SSUH2: variants seen among roughly 807,000 people sequenced by gnomAD.
SSUH2 encodes protein SSUH2 homolog.
In SSUH2, 47 loss-of-function variants were observed where a neutral mutation model predicts 55.3. The observed-to-expected ratio is 0.85, with a 90% CI of 0.67 to 1.08. The LOEUF is 1.08. Ranked by LOEUF, SSUH2 falls within the 50% of genes least tolerant of loss-of-function variation. SSUH2 has a pLI of 0.00. For synonymous variants in SSUH2, 212 were observed against 191.5 expected, an observed-to-expected ratio of 1.11 and a Z score of -0.89; for missense variants, 535 against 490.7, an observed-to-expected ratio of 1.09 and a Z score of -0.85.
intron 6 of SSUH2, among the ~76,000 whole-genome samples, chr3:8,662,682 C>T (rs2125372465): frequency 6.6e-6 from 1 of 152,368 alleles, no homozygotes; most frequent in East Asian, 1.9e-4. Context: ...AACAGAGTTA[C>T]AGCTGTGAAA....
In SSUH2 at chr3:8,679,072, G is replaced by A. The variant is rs1705722762; in HGVS notation, c.-901+633C>T. ...GCAGGGGAGGAAGCACCCCCCGCGAGGCGGGGACTGAGAGCAAGCACCTCT... is the reference window on the plus strand; with the variant it reads ...GCAGGGGAGGAAGCACCCCCCGCGAAGCGGGGACTGAGAGCAAGCACCTCT... On this transcript the variant is annotated intron_variant, in intron 2 of 18. Coordinates refer to the SSUH2 transcript ENST00000317371. Among the ~76,000 whole-genome samples the A allele has an allele frequency of 1.9e-5, 2 of 107,846 alleles. 1 individual carries two copies. Among genetic ancestry groups the A allele is most frequent in the Admixed American group, 1.8e-4 (2 of 11,124 alleles). The allele number at this position is 107,846 out of a possible 152,430, so 70.8% of individuals were successfully genotyped here. A position where few individuals can be genotyped will look rare whatever the true frequency, so the allele number is the denominator to read the frequency against.
intron 6 of SSUH2, among the ~76,000 whole-genome samples, chr3:8,630,255 A>G (rs542153219): frequency 6.6e-6 from 1 of 152,308 alleles, no homozygotes; most frequent in African/African-American, 2.4e-5. Flanking sequence ...GCACCCTTAA[A>G]TCCAGTCCAA....
intron 1 of SSUH2, among the ~76,000 whole-genome samples, chr3:8,680,388 C>T (rs374411249): frequency 1.6e-4 from 25 of 152,084 alleles, no homozygotes; most frequent in Admixed American, 1.6e-3. Flanking sequence ...CATATCCTCT[C>T]GCTCTCTGGA....
At chr3:8,676,785 T>TG (rs1038701626) in intron 3 of SSUH2, among the ~76,000 whole-genome samples, 1 of 146,856 alleles carries the variant, frequency 6.8e-6, no homozygotes, top group Admixed American at 6.6e-5. Flanking sequence ...CTCATCGCAG[T>TG]GGGGGGAGGC....
At chr3:8,638,743 C>T (rs1206385433) in intron 1 of SSUH2, among the ~76,000 whole-genome samples, 1 of 152,194 alleles carries the variant, frequency 6.6e-6, no homozygotes, top group East Asian at 1.9e-4. Context: ...AAGGGTGGGT[C>T]TTCCCCTTTC....
chr3:8,623,473 C>T (rs988037811), intron 11 of SSUH2, 76 bp downstream of exon 11: 20 of 923,630 alleles, frequency 2.2e-5, no homozygotes, highest in Middle Eastern at 2.9e-4. Context: ...CCTTCCGCTC[C>T]GACGTTCTCA....
chr3:8,672,742 G>T (rs997433890), intron 3 of SSUH2, among the ~76,000 whole-genome samples: 8 of 152,066 alleles, frequency 5.3e-5, no homozygotes, highest in Admixed American at 3.9e-4. Flanking sequence ...GTCACAAAAG[G>T]GGTGTACACT....
intron 5 of SSUH2, among the ~76,000 whole-genome samples, chr3:8,668,926 C>T (rs1704249469): frequency 8.0e-6 from 1 of 124,878 alleles, no homozygotes; most frequent in African/African-American, 3.0e-5. Context: ...AAGAATTGTG[C>T]ATACAGAGAG....
intron 5 of SSUH2, among the ~76,000 whole-genome samples, chr3:8,666,448 G>A (rs61621827): frequency 0.23 from 35,464 of 152,028 alleles, 5,302 homozygotes; most frequent in African/African-American, 0.42. Context: ...CACCCACAAG[G>A]GGTTTATGAA....
chr3:8,635,640 C>T, intron 2 of SSUH2, 119 bp downstream of exon 2: 1 of 1,023,930 alleles, frequency 9.8e-7, no homozygotes, highest in Non-Finnish European at 1.4e-6. Context: ...TGAGGGGCTT[C>T]CCAGGGCCCC....
intron 4 of SSUH2, among the ~76,000 whole-genome samples, chr3:8,633,301 G>T (rs546959294): frequency 6.6e-6 from 1 of 151,990 alleles, no homozygotes; most frequent in Non-Finnish European, 1.5e-5. Context: ...CCACCACCAC[G>T]CCCGGCTAAT....
intron 10 of SSUH2, 76 bp downstream of exon 10, chr3:8,625,466 C>T: frequency 1.1e-6 from 1 of 878,692 alleles, no homozygotes; most frequent in Non-Finnish European, 1.9e-6. Context: ...CCTGCACACA[C>T]AGCTAGCAGC....
At chr3:8,623,741 C>CAG in intron 10 of SSUH2, 85 bp from the exon 11 acceptor site, 1 of 650,350 alleles carries the variant, frequency 1.5e-6, no homozygotes, top group South Asian at 2.0e-5. Context: ...GAGCCAGAGC[C>CAG]AGAGCCAGAC....
chr3:8,633,293 A>G lies in SSUH2; in HGVS notation c.339+373T>C, dbSNP rs1448613511. 7.2e-5 allele frequency among the ~76,000 whole-genome samples: 11 copies of G among 151,864 alleles called. No homozygotes were observed. In the East Asian group the frequency reaches 1.2e-3, roughly 16 times the overall value. The stretch of plus-strand genomic sequence containing the variant: ...CGAGTAGCTGGAACTACAGGCACCC[A>G]CCACCACGCCCGGCTAATTTTTGTA... On this transcript the variant is annotated intron_variant, in intron 4 of 11. Transcript: ENST00000544814.
intron 3 of SSUH2, among the ~76,000 whole-genome samples, chr3:8,674,103 AC>A (rs1704937916): frequency 6.6e-6 from 1 of 152,230 alleles, no homozygotes; most frequent in Non-Finnish European, 1.5e-5. Flanking sequence ...GTGTTTGTAA[AC>A]AGGGATGCAG....
At chr3:8,680,922 T>C (rs980881155) in intron 1 of SSUH2, among the ~76,000 whole-genome samples, 1 of 152,018 alleles carries the variant, frequency 6.6e-6, no homozygotes, top group Admixed American at 6.6e-5. Context: ...TTTGACAGGC[T>C]GGGTGAACAC....
intron 7 of SSUH2, among the ~76,000 whole-genome samples, chr3:8,652,749 C>T (rs1266237635): frequency 1.3e-5 from 2 of 152,318 alleles, no homozygotes; most frequent in East Asian, 1.9e-4. Flanking sequence ...ACCATTTTCT[C>T]CCTGGCAAAC....
chr3:8,636,297 G>T (rs2125214308), intron 1 of SSUH2, among the ~76,000 whole-genome samples: 1 of 152,194 alleles, frequency 6.6e-6, no homozygotes, highest in South Asian at 2.1e-4. Flanking sequence ...TCTAAGTCAG[G>T]CTATTATGCT....
chr3:8,629,314 G>A, intron 7 of SSUH2: 2 of 278,714 alleles, frequency 7.2e-6, no homozygotes, highest in East Asian at 1.6e-4. Context: ...TTGCTTGTTG[G>A]TTTCCCTGGC....
Sources: gnomAD v4.1 joint callset for allele counts (sites outside exome capture counted in the v4.1 genomes callset) on GRCh38, gnomAD v4.1.1 for gene constraint, MANE v1.5 for transcripts, NCBI Gene and HGNC (gene_info 2026-07-23, HGNC 2026-07-21) for gene names.